SLC19A2: variants seen among roughly 807,000 people sequenced by gnomAD.
The protein encoded by SLC19A2 is solute carrier family 19 member 2.
Under a neutral mutation model 44.7 loss-of-function variants are expected in SLC19A2, and 27 were observed. That is an observed-to-expected ratio of 0.60 (90% CI 0.45 to 0.83). The LOEUF (loss-of-function observed/expected upper bound fraction) is 0.83. Ranked by LOEUF, SLC19A2 falls within the 40% of genes least tolerant of loss-of-function variation. The pLI is 0.00. For synonymous variants in SLC19A2, 239 were observed against 243.6 expected (o/e 0.98, Z 0.18); for missense variants, 566 against 613.7 (o/e 0.92, Z 0.82).
In SLC19A2 at chr1:169,468,183, G is replaced by A. The variant is rs772649755; in HGVS notation, c.1293C>T (p.Ala431=). Residue 431 remains alanine (A), a synonymous_variant, in exon 5 of 6, where the codon GCC becomes GCT. Transcript: ENST00000236137. The part of the protein sequence containing the change: ...ALVFGVNTFI[A]LALQTLLTLI... ...GAGTGAGCAGCGTCTGCAGTGCCAG[G>A]GCAATGAAGGTATTTACACCAAATA... The A allele has an allele frequency of 5.6e-6, 9 of 1,613,668 alleles. No individual in the cohort carries two copies. The highest frequency in any genetic ancestry group is 1.1e-5 in the South Asian group (1 of 91,082).
At chr1:169,484,642 C>T (rs888012196) in intron 1 of SLC19A2, among the ~76,000 whole-genome samples, 5 of 152,184 alleles carry the variant, frequency 3.3e-5, no homozygotes, top group Non-Finnish European at 7.3e-5. Flanking sequence ...TATATATTGT[C>T]TTTCTTCTGC....
chr1:169,474,991 T>G (rs1658273595), intron 2 of SLC19A2, among the ~76,000 whole-genome samples: 1 of 152,202 alleles, frequency 6.6e-6, no homozygotes, highest in South Asian at 2.1e-4. Context: ...TTTTAAATTA[T>G]GTTCAAGAGT....
chr1:169,479,667 C>T (rs1658401617), intron 1 of SLC19A2, among the ~76,000 whole-genome samples: 1 of 152,216 alleles, frequency 6.6e-6, no homozygotes, highest in Admixed American at 6.5e-5. Flanking sequence ...CTATCATTCC[C>T]ATTCTTCCAA....
rs1553212202 is a variant in SLC19A2 at position 169,471,698 on chromosome 1, G to GTGTGTA, written c.808-1513_808-1512insTACACA. ...AACGTGTGTGTGTGTGTGTGTGTGT[G>GTGTGTA]TATATATACACACACACCATATATA... On this transcript the variant is annotated intron_variant, in intron 2 of 5. Coordinates refer to ENST00000236137, the MANE Select transcript of SLC19A2 (RefSeq NM_006996.3). Among the ~76,000 whole-genome samples, 10 of 146,976 alleles carry GTGTGTA rather than the reference G, an allele frequency of 6.8e-5. No individual in the cohort carries two copies. The East Asian group carries it at 1.7e-3, about 26-fold the overall frequency.
Position 169,464,391 on chromosome 1 carries a change from T to C in SLC19A2, c.*1458A>G, listed in dbSNP as rs551167128. 6.6e-6 allele frequency: 1 copy of C among 152,394 alleles called. No homozygotes were observed. Among genetic ancestry groups the C allele is most frequent in the Non-Finnish European group, 1.5e-5 (1 of 68,006 alleles). 9.4% of individuals were successfully genotyped at this position (152,394 alleles called of 1,614,324 possible). A position where few individuals can be genotyped will look rare whatever the true frequency, so the allele number is the denominator to read the frequency against. ...CTAGTGTTCTTTTCCTTTCCCTTAA[T>C]AGTAAAGGATGGTGAATAGAAAATG... is the stretch of plus-strand genomic sequence containing the variant. On this transcript the variant is annotated 3_prime_UTR_variant, in exon 6 of 6. Coordinates refer to ENST00000236137, the MANE Select transcript of SLC19A2 (RefSeq NM_006996.3).
intron 1 of SLC19A2, among the ~76,000 whole-genome samples, chr1:169,478,523 ATTTTTTTTTT>A (rs35141285): frequency 1.1e-4 from 7 of 66,608 alleles, no homozygotes; most frequent in African/African-American, 4.6e-4. Flanking sequence ...CAACCAGCTA[ATTTTTTTTTT>A]TTTTTTTTTT....
intron 5 of SLC19A2, among the ~76,000 whole-genome samples, 153 bp from the exon 6 acceptor site, chr1:169,466,130 C>T (rs368855327): frequency 2.6e-5 from 4 of 152,162 alleles, no homozygotes; most frequent in South Asian, 2.1e-4. Context: ...CATCACAGCA[C>T]GGTGGTACTA....
rs1053552836 is a variant in SLC19A2, at chr1:169,485,702, G to C, written c.65C>G (p.Thr22Ser). The change falls in exon 1 of 6, where the codon ACC becomes AGC. Residue 22 changes from threonine to serine, a missense_variant. Thr to Ser is a moderately conservative substitution (Grantham distance 58). Coordinates refer to ENST00000236137, the MANE Select transcript of SLC19A2 (RefSeq NM_006996.3). Reference protein sequence around the residue: ...AAAAATVLLRTARVRRECWFL... With the variant: ...AAAAATVLLRSARVRRECWFL... ...CCAGCATTCGCGACGGACCCGAGCG[G>C]TCCGCAGGAGCACAGTGGCCGCCGC... 3 of 1,544,948 alleles carry C rather than the reference G, an allele frequency of 1.9e-6. No individual in the cohort carries two copies. Among genetic ancestry groups the C allele is most frequent in the Non-Finnish European group, 1.7e-6 (2 of 1,146,460 alleles).
intron 3 of SLC19A2, 97 bp from the exon 4 acceptor site, chr1:169,468,933 C>T: frequency 9.1e-7 from 1 of 1,100,508 alleles, no homozygotes; most frequent in South Asian, 1.3e-5. Context: ...TTAAAATCTG[C>T]AAACTTATAA....
chr1:169,465,919 GCAC>G lies in SLC19A2; in HGVS notation c.1421_1423del (p.Gly474del). On this transcript the variant is annotated inframe_deletion, in exon 6 of 6. Transcript: ENST00000236137. ...TCTACATTTCTTCATAACACTGACT[GCAC>G]CACTGGCCAGGAAAACCACAGCGAT... is the stretch of plus-strand genomic sequence containing the variant. 6.2e-7 allele frequency: 1 copy of G among 1,614,036 alleles called. No homozygotes were observed. Among genetic ancestry groups the G allele is most frequent in the Non-Finnish European group, 8.5e-7 (1 of 1,179,910 alleles).
intron 1 of SLC19A2, among the ~76,000 whole-genome samples, chr1:169,481,047 T>C (rs866775507): frequency 4.8e-4 from 73 of 152,194 alleles, no homozygotes; most frequent in African/African-American, 1.6e-3. Context: ...TAGTTTCTCT[T>C]TAACTTATTC....
chr1:169,484,504 T>C (rs1319167093), intron 1 of SLC19A2, among the ~76,000 whole-genome samples: 1 of 152,186 alleles, frequency 6.6e-6, no homozygotes, highest in Non-Finnish European at 1.5e-5. Context: ...AGTGGCCCCT[T>C]GACTGATAGT....
At chr1:169,481,541 T>G (rs1401426202) in intron 1 of SLC19A2, among the ~76,000 whole-genome samples, 1 of 152,196 alleles carries the variant, frequency 6.6e-6, no homozygotes, top group African/African-American at 2.4e-5. Context: ...ATCCTTTTCT[T>G]TTTCAGTGTT....
intron 1 of SLC19A2, among the ~76,000 whole-genome samples, chr1:169,482,070 G>A (rs182890911): frequency 2.1e-3 from 311 of 151,556 alleles, no homozygotes; most frequent in African/African-American, 6.9e-3. Context: ...GCATGGTGGC[G>A]TGTGCCTGTA....
chr1:169,476,652 G>A (rs903793349), intron 2 of SLC19A2, among the ~76,000 whole-genome samples: 11 of 152,200 alleles, frequency 7.2e-5, no homozygotes, highest in Admixed American at 3.9e-4. Context: ...CTCTGGAGGC[G>A]GAGGTTGCAG....
chr1:169,466,000 A>G (rs1301000297), intron 5 of SLC19A2, 23 bp from the exon 6 acceptor site: 1 of 1,613,514 alleles, frequency 6.2e-7, no homozygotes, highest in African/African-American at 1.3e-5. Context: ...AAAGCAGTTT[A>G]TTGAATTATC....
chr1:169,485,762 T>G lies in SLC19A2; in HGVS notation c.5A>C (p.Asp2Ala). The change falls in exon 1 of 6, where the codon GAT becomes GCT. Residue 2 changes from aspartate to alanine, a missense_variant. Transcript: ENST00000236137. M[D>A]VPGPVSRRAA... ...CCGCCGAGACACCGGGCCGGGCACA[T>G]CCATCCGGGGCGCGAGGGGAGGGGA... is the stretch of plus-strand genomic sequence containing the variant. The G allele has an allele frequency of 6.5e-7, 1 of 1,531,660 alleles. No homozygotes were observed. The highest frequency in any genetic ancestry group is 8.7e-7 in the Non-Finnish European group (1 of 1,144,092). 94.9% of individuals were successfully genotyped at this position (1,531,660 alleles called of 1,614,324 possible).
In SLC19A2 at chr1:169,465,893, T is replaced by A. The variant is rs768199279; in HGVS notation, c.1450A>T (p.Lys484Ter). The A allele has an allele frequency of 1.3e-5, 21 of 1,613,930 alleles. No individual in the cohort carries two copies. The South Asian group carries it at 2.3e-4, about 18-fold the overall frequency. Residue 484 changes from lysine to a stop codon, truncating the protein, a stop_gained, in exon 6 of 6, where the codon AAG becomes TAG. Transcript: ENST00000236137. LOFTEE classifies it high-confidence loss of function. ...GAVSVMKKCRKLEDPQSSSQV... is the reference protein window; with the variant it reads ...GAVSVMKKCR ...GAACTTGATTGTGGATCTTCCAGCT[T>A]TCTACATTTCTTCATAACACTGACT...
intron 2 of SLC19A2, 51 bp from the exon 3 acceptor site, chr1:169,470,237 A>AC: frequency 6.6e-7 from 1 of 1,524,646 alleles, no homozygotes; most frequent in Non-Finnish European, 9.1e-7. Flanking sequence ...GCAATTATAT[A>AC]GAAAGCAATT....
Sources: gnomAD v4.1 joint callset for allele counts (sites outside exome capture counted in the v4.1 genomes callset) on GRCh38, gnomAD v4.1.1 for gene constraint, MANE v1.5 for transcripts, NCBI Gene and HGNC (gene_info 2026-07-23, HGNC 2026-07-21) for gene names.